FKBP5: variants seen among roughly 807,000 people sequenced by gnomAD.
FKBP5 encodes the protein FKBP prolyl isomerase 5, also known as peptidyl-prolyl cis-trans isomerase FKBP5.
A neutral mutation model predicts 50.5 loss-of-function variants in FKBP5; 23 were observed. The observed-to-expected ratio is 0.46, with a 90% CI of 0.33 to 0.65. The LOEUF (loss-of-function observed/expected upper bound fraction) is 0.65, where lower values mean the gene tolerates loss of function less well. FKBP5 is among the 30% of genes least tolerant of loss of function. The probability of loss-of-function intolerance (pLI) is 0.02; values close to 1 mark genes in which losing one functional copy is unlikely to be tolerated. For missense variants in FKBP5, 411 were observed against 553.1 expected, an observed-to-expected ratio of 0.74 and a Z score of 2.58; for synonymous variants, 176 against 190.6, an observed-to-expected ratio of 0.92 and a Z score of 0.63.
chr6:35,654,877 T>C (rs559701999), intron 1 of FKBP5, among the ~76,000 whole-genome samples: 4 of 152,192 alleles, frequency 2.6e-5, no homozygotes, highest in Non-Finnish European at 5.9e-5. Flanking sequence ...GTACATCTGA[T>C]AGGCATCACT....
At chr6:35,583,630 A>G (rs1385037594) in intron 8 of FKBP5, 2 of 937,416 alleles carry the variant, frequency 2.1e-6, no homozygotes, top group Non-Finnish European at 2.5e-6. Context: ...AGTTGTCATA[A>G]CTGGGTAGGA....
intron 1 of FKBP5, among the ~76,000 whole-genome samples, chr6:35,649,249 T>TAAAAAAA (rs71002582): frequency 9.8e-6 from 1 of 102,234 alleles, no homozygotes; most frequent in Non-Finnish European, 1.9e-5. Flanking sequence ...AGACTCTGTC[T>TAAAAAAA]AAAAAAAAAA....
intron 1 of FKBP5, among the ~76,000 whole-genome samples, chr6:35,643,143 C>G (rs1168531991): frequency 6.6e-6 from 1 of 152,144 alleles, no homozygotes; most frequent in Non-Finnish European, 1.5e-5. Flanking sequence ...GCAGTCCCTT[C>G]ACAACTTTGA....
chr6:35,648,443 T>C (rs187470927), intron 1 of FKBP5, among the ~76,000 whole-genome samples: 1 of 151,884 alleles, frequency 6.6e-6, no homozygotes, highest in African/African-American at 2.4e-5. Context: ...GTTTTTTTTT[T>C]ATTATTTTTT....
intron 1 of FKBP5, among the ~76,000 whole-genome samples, chr6:35,648,549 G>T (rs1764695294): frequency 6.6e-6 from 1 of 152,046 alleles, no homozygotes; most frequent in Admixed American, 6.6e-5. Flanking sequence ...AAAGTGCTAG[G>T]ATTATTAAGA....
At chr6:35,625,760 T>C (rs1763977414) in intron 3 of FKBP5, among the ~76,000 whole-genome samples, 1 of 148,206 alleles carries the variant, frequency 6.7e-6, no homozygotes. Flanking sequence ...CAAGAATACA[T>C]AATGTCAATT....
intron 3 of FKBP5, among the ~76,000 whole-genome samples, chr6:35,630,122 C>G (rs1322385303): frequency 6.7e-6 from 1 of 148,454 alleles, no homozygotes; most frequent in Non-Finnish European, 1.5e-5. Flanking sequence ...AATAACAGAG[C>G]AAGTCTCTGG....
chr6:35,710,600 T>A (rs1469574846), intron 2 of FKBP5, among the ~76,000 whole-genome samples: 1 of 152,228 alleles, frequency 6.6e-6, no homozygotes, highest in Non-Finnish European at 1.5e-5. Context: ...AGTTTTCTTT[T>A]GAAGTTAAGC....
At chr6:35,640,742 T>C (rs1000180606) in intron 2 of FKBP5, among the ~76,000 whole-genome samples, 2 of 152,316 alleles carry the variant, frequency 1.3e-5, no homozygotes, top group Non-Finnish European at 2.9e-5. Context: ...TTTTCTGTTT[T>C]TTAAATTTTT....
Position 35,597,354 on chromosome 6 carries a change from C to T in FKBP5, c.559G>A (p.Ala187Thr), listed in dbSNP as rs373462052. The T allele has an allele frequency of 9.9e-6, 16 of 1,614,054 alleles. No homozygotes were observed. Among genetic ancestry groups the T allele is most frequent in the Admixed American group, 1.7e-5 (1 of 59,990 alleles). ...GGRMFDCRDV[A>T]FTVGEGEDHD... ...TCTTCTCCTTCGCCCACAGTGAATG[C>T]CACATCTCTGCAGTCAAACATCCTT... is the stretch of plus-strand genomic sequence containing the variant. The change falls in exon 6 of 11, where the codon GCA becomes ACA. Residue 187 changes from alanine to threonine, a missense_variant. Coordinates refer to ENST00000357266, the MANE Select transcript of FKBP5 (RefSeq NM_004117.4).
At chr6:35,591,108 A>T in intron 7 of FKBP5, 22 bp downstream of exon 7, 1 of 1,511,068 alleles carries the variant, frequency 6.6e-7, no homozygotes, top group Non-Finnish European at 9.1e-7. Context: ...CCATAATTTT[A>T]AGGAAGTTGG....
At chr6:35,725,835 C>CTTTA (rs1766698695) in intron 1 of FKBP5, among the ~76,000 whole-genome samples, 1 of 152,176 alleles carries the variant, frequency 6.6e-6, no homozygotes, top group Non-Finnish European at 1.5e-5. Context: ...GCTGTGAGCA[C>CTTTA]TAAAATGGGG....
intron 5 of FKBP5, 43 bp downstream of exon 5, chr6:35,619,053 G>A (rs1763744691): frequency 1.2e-5 from 16 of 1,336,844 alleles, no homozygotes; most frequent in Non-Finnish European, 1.6e-5. Context: ...CACATAAATG[G>A]CCCAACTTTT....
intron 1 of FKBP5, among the ~76,000 whole-genome samples, chr6:35,678,899 T>C (rs960295229): frequency 2.0e-5 from 3 of 152,122 alleles, no homozygotes; most frequent in African/African-American, 7.2e-5. Context: ...TTGAGCAACA[T>C]AGTGAGACTG....
chr6:35,718,062 G>A (rs1396930213), intron 2 of FKBP5, among the ~76,000 whole-genome samples: 1 of 152,202 alleles, frequency 6.6e-6, no homozygotes, highest in African/African-American at 2.4e-5. Flanking sequence ...AGGCAGCTCT[G>A]TCTCTGTTCT....
At chr6:35,618,103 C>A (rs1763714441) in intron 5 of FKBP5, among the ~76,000 whole-genome samples, 1 of 152,138 alleles carries the variant, frequency 6.6e-6, no homozygotes, top group Admixed American at 6.5e-5. Context: ...AACTCTGTAA[C>A]CCTGGGCAAT....
At chr6:35,631,186 T>G (rs1284366810) in intron 3 of FKBP5, among the ~76,000 whole-genome samples, 1 of 152,196 alleles carries the variant, frequency 6.6e-6, no homozygotes. Context: ...AAAAACTGAA[T>G]AGCCCCAAAT....
chr6:35,589,110 T>TTTTTA (rs1355058388), intron 7 of FKBP5, among the ~76,000 whole-genome samples: 3 of 103,006 alleles, frequency 2.9e-5, no homozygotes, highest in African/African-American at 1.3e-4. Context: ...ATATATATTT[T>TTTTTA]TATATATATA....
At chr6:35,601,465 G>T (rs997037597) in intron 5 of FKBP5, among the ~76,000 whole-genome samples, 1 of 152,274 alleles carries the variant, frequency 6.6e-6, no homozygotes, top group Admixed American at 6.5e-5. Flanking sequence ...TTGGAGCCAC[G>T]GAAAGACTGC....
Sources: gnomAD v4.1 joint callset for allele counts (sites outside exome capture counted in the v4.1 genomes callset) on GRCh38, gnomAD v4.1.1 for gene constraint, MANE v1.5 for transcripts, NCBI Gene and HGNC (gene_info 2026-07-23, HGNC 2026-07-21) for gene names.